The following ATXN2L variants were observed in gnomAD, a reference collection of about 807,000 sequenced individuals.
The protein encoded by ATXN2L is ataxin 2 like.
Under a neutral mutation model 120.7 loss-of-function variants are expected in ATXN2L, and 24 were observed. The observed-to-expected ratio is 0.20, with a 90% CI of 0.14 to 0.28. The LOEUF is 0.28. ATXN2L is among the 10% of genes least tolerant of loss of function. The pLI is 1.00. For missense variants in ATXN2L, 1,312 were observed against 1,432.3 expected (o/e 0.92, Z 1.36); for synonymous variants, 653 against 568.1 (o/e 1.15, Z -2.13).
rs574472647 is a variant in ATXN2L, at chr16:28,835,992, G to A, written c.2955G>A (p.Pro985=). Residue 985 remains proline, a synonymous_variant, in exon 22 of 22, where the codon CCG becomes CCA. Transcript: ENST00000336783. ...APPPHPGAPH[P]PQVMLLHPPQ... ...CCCCTCACCCTGGGGCTCCCCACCC[G>A]CCCCAGGTGATGCTGCTGCACCCAC... is the stretch of plus-strand genomic sequence containing the variant. The A allele has an allele frequency of 1.0e-4, 89 of 850,546 alleles. No homozygotes were observed. Among genetic ancestry groups the A allele is most frequent in the Non-Finnish European group, 1.4e-4 (76 of 555,130 alleles). The allele number at this position is 850,546 out of a possible 1,614,324, so 52.7% of individuals were successfully genotyped here.
intron 17 of ATXN2L, 25 bp downstream of exon 17, chr16:28,834,440 C>T (rs371084387): frequency 8.1e-6 from 13 of 1,613,486 alleles, no homozygotes; most frequent in African/African-American, 6.7e-5. Context: ...GAGGGGCAGG[C>T]GGCGAGGCTG....
intron 17 of ATXN2L, 23 bp from the exon 18 acceptor site, chr16:28,834,483 C>T: frequency 6.2e-7 from 1 of 1,612,818 alleles, no homozygotes; most frequent in Non-Finnish European, 8.5e-7. Context: ...AGCTTGAGCT[C>T]TCCTCTCCTC....
chr16:28,832,648 T>C (rs1225700274), intron 12 of ATXN2L, 81 bp downstream of exon 12: 1 of 1,498,776 alleles, frequency 6.7e-7, no homozygotes, highest in Admixed American at 1.7e-5. Flanking sequence ...TTTGTTGGAA[T>C]TCAGAGGCAA....
In ATXN2L at chr16:28,836,322, G is replaced by A. The variant is rs1470972673; in HGVS notation, c.*57G>A. 1 of 1,612,444 alleles carries A rather than the reference G, an allele frequency of 6.2e-7. No individual in the cohort carries two copies. Among genetic ancestry groups the A allele is most frequent in the African/African-American group, 1.3e-5 (1 of 74,992 alleles). On this transcript the variant is annotated 3_prime_UTR_variant, in exon 22 of 22. Coordinates refer to ENST00000336783, the MANE Select transcript of ATXN2L (RefSeq NM_007245.4). ...CGCCCGCCGACCTGCACCTGTCTGT[G>A]AAGTATGTAGGGTGGGCAGAAGCCA...
rs750736300 is a variant in ATXN2L, at chr16:28,836,298, G to A, written c.*33G>A. 89 of 1,609,082 alleles carry A rather than the reference G, an allele frequency of 5.5e-5. 1 individual carries two copies. The highest frequency in any genetic ancestry group is 6.6e-5 in the South Asian group (6 of 90,604). The stretch of plus-strand genomic sequence containing the variant: ...TGGAGGCAGGGCTGTCCCACAGGGC[G>A]CCCGCCGACCTGCACCTGTCTGTGA... On this transcript the variant is annotated 3_prime_UTR_variant, in exon 22 of 22. Coordinates refer to ENST00000336783, the MANE Select transcript of ATXN2L (RefSeq NM_007245.4).
rs1232491765 is a variant in ATXN2L at position 28,824,290 on chromosome 16, AGTGTGTGTGT to A, written c.299+735_299+744del. The A allele has an allele frequency of 4.3e-6, 5 of 1,167,944 alleles. No individual in the cohort carries two copies. In the African/African-American group the frequency reaches 6.5e-5, roughly 15 times the overall value. The allele number at this position is 1,167,944 out of a possible 1,614,324, so 72.3% of individuals were successfully genotyped here. A position where few individuals can be genotyped will look rare whatever the true frequency, so the allele number is the denominator to read the frequency against. On this transcript the variant is annotated intron_variant, in intron 1 of 21. Transcript: ENST00000336783. Reference sequence around the variant, plus strand: ...GGCCCTGCTCAGTTTTTCCTGTGCGAGTGTGTGTGTGTTAATGGAATTAAGAGTGGCAGCA... The same window carrying A: ...GGCCCTGCTCAGTTTTTCCTGTGCGAGTTAATGGAATTAAGAGTGGCAGCA...
At position 28,834,082 on chromosome 16, in the gene ATXN2L, C is replaced by T. The variant is rs1445916175; in HGVS notation, c.2043C>T (p.Thr681=). Residue 681 remains threonine, a synonymous_variant, in exon 16 of 22, where the codon ACC becomes ACT. Transcript: ENST00000336783. ...PLLSVNKSTS[T]PTSPGPRTHS... ...TTTTGCAGAATAAATCCACCAGTAC[C>T]CCAACTTCTCCGGGGCCCCGGACTC... is the stretch of plus-strand genomic sequence containing the variant. The T allele has an allele frequency of 3.1e-6, 5 of 1,613,738 alleles. No homozygotes were observed. The Admixed American group carries it at 6.7e-5, about 22-fold the overall frequency.
intron 4 of ATXN2L, 81 bp from the exon 5 acceptor site, chr16:28,826,159 A>C: frequency 6.5e-7 from 1 of 1,542,756 alleles, no homozygotes; most frequent in Non-Finnish European, 8.9e-7. Context: ...ATCCAGTTCT[A>C]TTTAAGAGAA....
intron 12 of ATXN2L, 99 bp from the exon 13 acceptor site, chr16:28,832,718 T>C: frequency 6.9e-7 from 1 of 1,443,004 alleles, no homozygotes; most frequent in Non-Finnish European, 9.6e-7. Flanking sequence ...GAGTTTCTCT[T>C]TTTTCTTTGC....
chr16:28,834,697 A>G lies in ATXN2L; in HGVS notation c.2433+4A>G, dbSNP rs569385761. ...CATGGCCCACTACCCCTCACAGGTG[A>G]CTGCGGCCCAGGAGGGCAGTGAGGA... On this transcript the variant is annotated splice_donor_region_variant and intron_variant, in intron 18 of 21. Coordinates refer to ENST00000336783, the MANE Select transcript of ATXN2L (RefSeq NM_007245.4). 6.2e-7 allele frequency: 1 copy of G among 1,604,840 alleles called. No individual in the cohort carries two copies. Among genetic ancestry groups the G allele is most frequent in the Admixed American group, 1.7e-5 (1 of 59,238 alleles).
intron 2 of ATXN2L, 82 bp from the exon 3 acceptor site, chr16:28,825,542 T>C: frequency 6.5e-7 from 1 of 1,541,952 alleles, no homozygotes; most frequent in Non-Finnish European, 9.0e-7. Context: ...GCAGAATGAG[T>C]AGAGTGCGGC....
chr16:28,826,463 G>T lies in ATXN2L; in HGVS notation c.616+73G>T, dbSNP rs559411602. The T allele has an allele frequency of 3.3e-6, 5 of 1,511,408 alleles. No homozygotes were observed. In the Admixed American group the frequency reaches 9.0e-5, roughly 27 times the overall value. 93.6% of individuals were successfully genotyped at this position (1,511,408 alleles called of 1,614,324 possible). On this transcript the variant is annotated intron_variant, in intron 5 of 21. Transcript: ENST00000336783. ...ACAGAGGGTAGTTTGTGTGCAGGTG[G>T]AACATGGTGATGTGTTTGGTTTGTT... is the stretch of plus-strand genomic sequence containing the variant.
At chr16:28,831,790 G>A (rs1042460285) in intron 10 of ATXN2L, among the ~76,000 whole-genome samples, 1 of 152,086 alleles carries the variant, frequency 6.6e-6, no homozygotes, top group African/African-American at 2.4e-5. Context: ...AGGCTGAGGT[G>A]GGGGGAATCG....
At chr16:28,825,866 T>A in intron 4 of ATXN2L, 25 bp downstream of exon 4, 2 of 1,599,074 alleles carry the variant, frequency 1.3e-6, no homozygotes, top group Admixed American at 1.7e-5. Flanking sequence ...ATTTAATTAT[T>A]TTTGGAGTTG....
At position 28,823,238 on chromosome 16, in the gene ATXN2L, TC is replaced by T. The variant is rs777945050; in HGVS notation, c.-18del. 1.3e-4 allele frequency: 185 copies of T among 1,416,562 alleles called. No homozygotes were observed. Among genetic ancestry groups the T allele is most frequent in the Non-Finnish European group, 1.7e-4 (182 of 1,083,474 alleles). The allele number at this position is 1,416,562 out of a possible 1,614,324, so 87.7% of individuals were successfully genotyped here. A position where few individuals can be genotyped will look rare whatever the true frequency, so the allele number is the denominator to read the frequency against. ...CCTCTCTCCCTCCCTTCTCTCTAAT[TC>T]CCCTTCCGGACGCTGCCATCATGTT... On this transcript the variant is annotated 5_prime_UTR_variant, in exon 1 of 22. Coordinates refer to ENST00000336783, the MANE Select transcript of ATXN2L (RefSeq NM_007245.4).
chr16:28,825,683 A>G lies in ATXN2L; in HGVS notation c.393+3A>G, dbSNP rs1465026516. The G allele has an allele frequency of 6.2e-7, 1 of 1,614,172 alleles. No homozygotes were observed. Among genetic ancestry groups the G allele is most frequent in the Non-Finnish European group, 8.5e-7 (1 of 1,179,992 alleles). ...TGCATTTCCTTACAGCTGTTGTGGT[A>G]AGTTGGTACTTAACCCCCGGGTTGT... On this transcript the variant is annotated splice_donor_region_variant and intron_variant, in intron 3 of 21. Transcript: ENST00000336783.
rs769864423 is a variant in ATXN2L, at chr16:28,831,084, G to A, written c.1321+12G>A. On this transcript the variant is annotated intron_variant, in intron 10 of 21. Transcript: ENST00000336783. ...ACCTCCTCCTGCAGGTAAAGCTTTA[G>A]TAGTGTTGGATGAAGAAATGGATGG... is the stretch of plus-strand genomic sequence containing the variant. 1.9e-6 allele frequency: 3 copies of A among 1,553,904 alleles called. No individual in the cohort carries two copies. Among genetic ancestry groups the A allele is most frequent in the East Asian group, 4.5e-5 (2 of 44,424 alleles).
chr16:28,830,481 TG>T, intron 8 of ATXN2L, 133 bp from the exon 9 acceptor site: 1 of 829,110 alleles, frequency 1.2e-6, no homozygotes, highest in Non-Finnish European at 1.8e-6. Flanking sequence ...GATCTTCAAG[TG>T]GGATGGTGCT....
At chr16:28,828,780 ACT>A (rs1567409326) in intron 6 of ATXN2L, among the ~76,000 whole-genome samples, 2 of 151,588 alleles carry the variant, frequency 1.3e-5, no homozygotes, top group Non-Finnish European at 2.9e-5. Flanking sequence ...ACAGGGTCTC[ACT>A]CTGTCACTCA....
Sources: gnomAD v4.1 joint callset for allele counts (sites outside exome capture counted in the v4.1 genomes callset) on GRCh38, gnomAD v4.1.1 for gene constraint, MANE v1.5 for transcripts, NCBI Gene and HGNC (gene_info 2026-07-23, HGNC 2026-07-21) for gene names.